The following HDAC9 variants were observed in gnomAD, a reference collection of about 807,000 sequenced individuals.
The protein encoded by HDAC9 is histone deacetylase 9.
HDAC9 carries 41 observed loss-of-function variants against 139.4 expected under a neutral mutation model. The observed-to-expected ratio is 0.29, with a 90% CI of 0.23 to 0.38. HDAC9 has a LOEUF of 0.38. Among genes scored for constraint, HDAC9 ranks in the 10% least tolerant of loss-of-function variants. The pLI is 1.00. For synonymous variants in HDAC9, 517 were observed against 476.2 expected (o/e 1.09, Z -1.12); for missense variants, 1,147 against 1,297.0 (o/e 0.88, Z 1.78).
chr7:18,989,492 T>G (rs558352508), intron 25 of HDAC9, among the ~76,000 whole-genome samples: 1 of 150,590 alleles, frequency 6.6e-6, no homozygotes, highest in Non-Finnish European at 1.5e-5. Context: ...TAACATTTTT[T>G]CCTTCATTTC....
At chr7:18,368,381 T>C (rs1784345602) in intron 1 of HDAC9, among the ~76,000 whole-genome samples, 1 of 152,056 alleles carries the variant, frequency 6.6e-6, no homozygotes, top group Non-Finnish European at 1.5e-5. Flanking sequence ...CAAGTATCCC[T>C]GACTAACCGG....
At chr7:18,169,933 T>A (rs543940040) in intron 2 of HDAC9, among the ~76,000 whole-genome samples, 1 of 152,332 alleles carries the variant, frequency 6.6e-6, no homozygotes, top group South Asian at 2.1e-4. Flanking sequence ...TGTGCATGTG[T>A]CTTTATAGCA....
In HDAC9 at chr7:18,665,593, A is replaced by G. The variant is rs79216415; in HGVS notation, c.1468-620A>G. On this transcript the variant is annotated intron_variant, in intron 11 of 25. Transcript: ENST00000686413. ...ATTTAATTTCCATTTGAGTCTGTTC[A>G]TAAAACATCTTATTGTTAATTTTTT... 4.7e-3 allele frequency among the ~76,000 whole-genome samples: 712 copies of G among 152,276 alleles called. 6 individuals carry two copies. The highest frequency in any genetic ancestry group is 0.016 in the African/African-American group (676 of 41,574).
At chr7:18,845,766 T>C (rs928333496) in intron 21 of HDAC9, among the ~76,000 whole-genome samples, 4 of 152,154 alleles carry the variant, frequency 2.6e-5, no homozygotes, top group Non-Finnish European at 5.9e-5. Flanking sequence ...CCCTTGATTT[T>C]TATTTTCCTT....
intron 21 of HDAC9, among the ~76,000 whole-genome samples, chr7:18,863,891 G>A (rs1169896625): frequency 6.6e-6 from 1 of 152,208 alleles, no homozygotes; most frequent in African/African-American, 2.4e-5. Flanking sequence ...AACAGCCAGT[G>A]TGAAATCTCC....
At position 18,509,491 on chromosome 7, in the gene HDAC9, A is replaced by G. The variant is rs115105201; in HGVS notation, c.22+13167A>G. 3,602 of 967,692 alleles carry G rather than the reference A, an allele frequency of 3.7e-3. 36 individuals are homozygous for G. Among genetic ancestry groups the G allele is most frequent in the African/African-American group, 0.025 (1,444 of 56,988 alleles). The allele number at this position is 967,692 out of a possible 1,614,324, so 59.9% of individuals were successfully genotyped here. A position where few individuals can be genotyped will look rare whatever the true frequency, so the allele number is the denominator to read the frequency against. On this transcript the variant is annotated intron_variant, in intron 2 of 25. Coordinates refer to ENST00000686413, the MANE Select transcript of HDAC9 (RefSeq NM_178425.4). Reference sequence around the variant, plus strand: ...TTCCCCCGAGTGATTATCTCATTCAATCAGTATTTATTGAGTCCTTGAAAG... The same window carrying G: ...TTCCCCCGAGTGATTATCTCATTCAGTCAGTATTTATTGAGTCCTTGAAAG...
intron 17 of HDAC9, among the ~76,000 whole-genome samples, chr7:18,811,732 C>T (rs1195149049): frequency 6.6e-6 from 1 of 151,288 alleles, no homozygotes; most frequent in Non-Finnish European, 1.5e-5. Context: ...TATTAATTTT[C>T]TTAAAAAGTT....
intron 21 of HDAC9, among the ~76,000 whole-genome samples, chr7:18,873,968 A>G (rs1799122102): frequency 6.6e-6 from 1 of 151,102 alleles, no homozygotes; most frequent in African/African-American, 2.4e-5. Flanking sequence ...CCTTTGCAAG[A>G]GTCACCCCCT....
chr7:18,861,048 A>G (rs1798066678), intron 21 of HDAC9, among the ~76,000 whole-genome samples: 3 of 152,178 alleles, frequency 2.0e-5, no homozygotes, highest in Non-Finnish European at 1.5e-5. Context: ...AACCAAATAC[A>G]TAACAGCCCC....
At chr7:18,345,897 GTTTC>G (rs1428972542) in intron 1 of HDAC9, among the ~76,000 whole-genome samples, 19 of 151,782 alleles carry the variant, frequency 1.3e-4, no homozygotes, top group African/African-American at 4.6e-4. Flanking sequence ...AACGACTCCT[GTTTC>G]TGTCTGTTTC....
intron 2 of HDAC9, among the ~76,000 whole-genome samples, chr7:18,246,879 G>C (rs1273094535): frequency 1.3e-5 from 2 of 152,092 alleles, no homozygotes; most frequent in Non-Finnish European, 2.9e-5. Flanking sequence ...TAGCAAGAGT[G>C]AGAGTGCTAG....
chr7:18,719,616 A>G (rs903370633), intron 12 of HDAC9, among the ~76,000 whole-genome samples: 1 of 152,176 alleles, frequency 6.6e-6, no homozygotes, highest in Non-Finnish European at 1.5e-5. Context: ...CTGGGATTAC[A>G]GGTGTGAACC....
intron 1 of HDAC9, among the ~76,000 whole-genome samples, chr7:18,427,963 C>A (rs1790280499): frequency 6.6e-6 from 1 of 152,128 alleles, no homozygotes. Context: ...TTAGTTACCT[C>A]ATGTAAGTGG....
At position 18,612,439 on chromosome 7, in the gene HDAC9, C is replaced by T. The variant is rs188555687; in HGVS notation, c.665-16911C>T. 3.2e-4 allele frequency among the ~76,000 whole-genome samples: 49 copies of T among 151,700 alleles called. No individual in the cohort carries two copies. In the East Asian group the frequency reaches 8.9e-3, roughly 28 times the overall value. ...TGTTATTACAGTGATGTTATGAGTC[C>T]TCTAGAAGTGAAAGATGACTGTCAG... On this transcript the variant is annotated intron_variant, in intron 6 of 25. Transcript: ENST00000686413.
In HDAC9 at chr7:18,451,126, G is replaced by A. The variant is rs139109374; in HGVS notation, c.-41-45136G>A. On this transcript the variant is annotated intron_variant, in intron 1 of 3. Transcript: ENST00000413509. The stretch of plus-strand genomic sequence containing the variant: ...GCCTTGCCCTCAAGAATGGATTAGT[G>A]CCTTTACGAAACAGGCCTGAGGGAG... 7.6e-3 allele frequency among the ~76,000 whole-genome samples: 1,162 copies of A among 152,196 alleles called. 14 individuals carry two copies. The highest frequency in any genetic ancestry group is 0.026 in the African/African-American group (1,100 of 41,534).
At chr7:18,305,418 G>A (rs1798843078) in intron 1 of HDAC9, among the ~76,000 whole-genome samples, 1 of 152,110 alleles carries the variant, frequency 6.6e-6, no homozygotes, top group Admixed American at 6.6e-5. Flanking sequence ...CCACTTTCTC[G>A]ACTAATTCTG....
chr7:18,920,070 C>G (rs188270833), intron 22 of HDAC9, among the ~76,000 whole-genome samples: 1 of 152,218 alleles, frequency 6.6e-6, no homozygotes, highest in East Asian at 1.9e-4. Flanking sequence ...GGCATTGAAT[C>G]TATAAATTAC....
intron 1 of HDAC9, among the ~76,000 whole-genome samples, chr7:18,437,535 A>G (rs1345218194): frequency 2.7e-5 from 4 of 150,348 alleles, no homozygotes; most frequent in African/African-American, 9.7e-5. Context: ...ATGTGTATAT[A>G]TATATATAAT....
chr7:18,250,672 T>C (rs1055176817), intron 2 of HDAC9, among the ~76,000 whole-genome samples: 1 of 152,240 alleles, frequency 6.6e-6, no homozygotes, highest in Non-Finnish European at 1.5e-5. Context: ...TATTAAATTC[T>C]AGAGTGGTCT....
Sources: allele counts gnomAD v4.1 joint callset (sites outside exome capture counted in the v4.1 genomes callset), GRCh38; gene constraint gnomAD v4.1.1; transcripts MANE v1.5; gene names NCBI Gene and HGNC (gene_info 2026-07-23, HGNC 2026-07-21).